Variants in PEX26 observed in about 807,000 individuals in gnomAD.
PEX26 encodes the protein peroxisome assembly protein 26.
A neutral mutation model predicts 31.4 loss-of-function variants in PEX26; 18 were observed. The observed-to-expected ratio is 0.57, with a 90% CI of 0.40 to 0.85. The LOEUF is 0.85. Among genes scored for constraint, PEX26 ranks in the 40% least tolerant of loss-of-function variants. The pLI is 0.00. For missense variants in PEX26, 377 were observed against 383.9 expected (o/e 0.98, Z 0.15); for synonymous variants, 176 against 166.9 (o/e 1.05, Z -0.42).
chr22:18,085,393 C>T, intron 4 of PEX26, 135 bp downstream of exon 4: 3 of 939,942 alleles, frequency 3.2e-6, no homozygotes, highest in Non-Finnish European at 5.0e-6. Context: ...GAGTCTGTTC[C>T]ACAAGGAGGA....
intron 2 of PEX26, among the ~76,000 whole-genome samples, chr22:18,082,425 G>A (rs1926653322): frequency 6.6e-6 from 1 of 152,138 alleles, no homozygotes; most frequent in Non-Finnish European, 1.5e-5. Flanking sequence ...CCTGCATATG[G>A]ATATCCGATT....
At position 18,089,605 on chromosome 22, in the gene PEX26, C is replaced by CTTGG. The variant is rs361782; in HGVS notation, c.*1532_*1535dup. Reference sequence around the variant, plus strand: ...CAAGCAGGCTGCCCTGCACTGTGTCCTTGGTGTTGATGCCCAAAATAGAGA... The same window carrying CTTGG: ...CAAGCAGGCTGCCCTGCACTGTGTCCTTGGTTGGTGTTGATGCCCAAAATAGAGA... On this transcript the variant is annotated 3_prime_UTR_variant, in exon 5 of 5. Coordinates refer to ENST00000399744, the MANE Select transcript of PEX26 (RefSeq NM_001127649.3). 134,789 of 152,236 alleles carry CTTGG rather than the reference C, an allele frequency of 0.89. 59,847 individuals are homozygous for CTTGG. The highest frequency in any genetic ancestry group is 0.93 in the East Asian group (4,842 of 5,188). The allele number at this position is 152,236 out of a possible 1,614,324, so 9.4% of individuals were successfully genotyped here. A position where few individuals can be genotyped will look rare whatever the true frequency, so the allele number is the denominator to read the frequency against.
rs1284632799 is a variant in PEX26 at position 18,098,953 on chromosome 22, C to T, written c.*10878C>T. The T allele has an allele frequency of 1.3e-5, 2 of 152,168 alleles. No homozygotes were observed. Among genetic ancestry groups the T allele is most frequent in the Non-Finnish European group, 2.9e-5 (2 of 68,050 alleles). 9.4% of individuals were successfully genotyped at this position (152,168 alleles called of 1,614,324 possible). A position where few individuals can be genotyped will look rare whatever the true frequency, so the allele number is the denominator to read the frequency against. On this transcript the variant is annotated 3_prime_UTR_variant, in exon 5 of 5. Coordinates refer to ENST00000399744, the MANE Select transcript of PEX26 (RefSeq NM_001127649.3). ...ATGGTCCAATAGAGAACTGTGCATACAATTACATAGGCAACCACAAATCAA... is the reference window on the plus strand; with the variant it reads ...ATGGTCCAATAGAGAACTGTGCATATAATTACATAGGCAACCACAAATCAA...
In PEX26 at chr22:18,089,204, C is replaced by G. The variant is rs1926976057; in HGVS notation, c.*1129C>G. ...TGGTACACACCATTTCAGGTTCTTCCCTTTCTGTGTCCCATTGTCCTAGTT... is the reference window on the plus strand; with the variant it reads ...TGGTACACACCATTTCAGGTTCTTCGCTTTCTGTGTCCCATTGTCCTAGTT... On this transcript the variant is annotated 3_prime_UTR_variant, in exon 5 of 5. Transcript: ENST00000399744. 6.5e-6 allele frequency: 1 copy of G among 152,766 alleles called. No homozygotes were observed. The highest frequency in any genetic ancestry group is 2.4e-5 in the African/African-American group (1 of 41,446). The allele number at this position is 152,766 out of a possible 1,614,324, so 9.5% of individuals were successfully genotyped here.
chr22:18,078,401 G>C lies in PEX26; in HGVS notation c.25G>C (p.Ala9Pro), dbSNP rs1443774420. Reference sequence around the variant, plus strand: ...TATGAAGAGCGATTCTTCGACCTCTGCAGCCCCCCTCAGGGGGCTCGGGGG... The same window carrying C: ...TATGAAGAGCGATTCTTCGACCTCTCCAGCCCCCCTCAGGGGGCTCGGGGG... MKSDSSTS[A>P]APLRGLGGPL... is the part of the protein sequence containing the mutation. Residue 9 changes from alanine (A) to proline (P), a missense_variant, in exon 1 of 5, where the codon GCA becomes CCA. Coordinates refer to ENST00000399744, the MANE Select transcript of PEX26 (RefSeq NM_001127649.3). 1 of 1,598,314 alleles carries C rather than the reference G, an allele frequency of 6.3e-7. No homozygotes were observed. Among genetic ancestry groups the C allele is most frequent in the Non-Finnish European group, 8.5e-7 (1 of 1,174,344 alleles).
intron 2 of PEX26, among the ~76,000 whole-genome samples, 196 bp from the exon 3 acceptor site, chr22:18,083,241 G>C (rs1279177409): frequency 6.6e-6 from 1 of 152,160 alleles, no homozygotes; most frequent in Non-Finnish European, 1.5e-5. Context: ...AAGGCTTTCA[G>C]CTTTTCCCAT....
At chr22:18,083,877 T>C in intron 3 of PEX26, 145 bp downstream of exon 3, 1 of 785,500 alleles carries the variant, frequency 1.3e-6, no homozygotes, top group East Asian at 2.7e-5. Flanking sequence ...GGCCTGTTGA[T>C]TTGCTTCACA....
rs762891761 is a variant in PEX26, at chr22:18,078,265, A to G, written c.-112A>G. On this transcript the variant is annotated 5_prime_UTR_variant, in exon 1 of 5. Coordinates refer to ENST00000399744, the MANE Select transcript of PEX26 (RefSeq NM_001127649.3). ...ATCGACCTCGGGAAGGGGTGTGGGC[A>G]AAGAGATGAGGACTCTCCCTCTTCG... The G allele has an allele frequency of 1.0e-5, 8 of 802,708 alleles. No homozygotes were observed. Among genetic ancestry groups the G allele is most frequent in the South Asian group, 8.7e-5 (6 of 68,882 alleles). 49.7% of individuals were successfully genotyped at this position (802,708 alleles called of 1,614,324 possible).
intron 1 of PEX26, chr22:18,078,835 G>C: frequency 1.4e-6 from 1 of 696,104 alleles, no homozygotes; most frequent in South Asian, 1.5e-5. Flanking sequence ...TTTGCTCCTT[G>C]TTCCAAGGTA....
At chr22:18,080,074 C>T in intron 2 of PEX26, 60 bp downstream of exon 2, 9 of 1,545,516 alleles carry the variant, frequency 5.8e-6, no homozygotes, top group East Asian at 4.5e-5. Context: ...TTCATCTCCT[C>T]TCCTAAATAC....
Position 18,081,249 on chromosome 22 carries a change from C to T in PEX26, c.371+1235C>T, listed in dbSNP as rs561541250. Among the ~76,000 whole-genome samples the T allele has an allele frequency of 9.4e-3, 1,230 of 131,484 alleles. 21 individuals are homozygous for T. The highest frequency in any genetic ancestry group is 0.036 in the African/African-American group (1,161 of 32,510). The allele number at this position is 131,484 out of a possible 152,430, so 86.3% of individuals were successfully genotyped here. On this transcript the variant is annotated intron_variant, in intron 2 of 4. Transcript: ENST00000399744. ...ATATACATATATGTACACATATACACACACACACACACACACACACACACA... is the reference window on the plus strand; with the variant it reads ...ATATACATATATGTACACATATACATACACACACACACACACACACACACA...
rs1462949238 is a variant in PEX26, at chr22:18,103,861, A to G, written c.*15786A>G. On this transcript the variant is annotated 3_prime_UTR_variant, in exon 5 of 5. Transcript: ENST00000399744. ...AGATTGCATATGAAAGTGCTGTGAA[A>G]TCACCAAGGGCTGAGTAGAACAGTT... 6.6e-6 allele frequency: 1 copy of G among 152,170 alleles called. No homozygotes were observed. The highest frequency in any genetic ancestry group is 1.5e-5 in the Non-Finnish European group (1 of 68,038). The allele number at this position is 152,170 out of a possible 1,614,324, so 9.4% of individuals were successfully genotyped here.
Position 18,102,682 on chromosome 22 carries a change from C to T in PEX26, c.*14607C>T, listed in dbSNP as rs1043049540. The T allele has an allele frequency of 1.3e-5, 2 of 152,236 alleles. No individual in the cohort carries two copies. Among genetic ancestry groups the T allele is most frequent in the African/African-American group, 4.8e-5 (2 of 41,402 alleles). 9.4% of individuals were successfully genotyped at this position (152,236 alleles called of 1,614,324 possible). On this transcript the variant is annotated 3_prime_UTR_variant, in exon 5 of 5. Transcript: ENST00000399744. ...TTCTGTCTGATGAAGGGCACCAGCC[C>T]CTTCATCTTTATCATGCCTAATATT...
Position 18,089,624 on chromosome 22 carries a change from A to G in PEX26, c.*1549A>G. The G allele has an allele frequency of 6.6e-6, 1 of 152,422 alleles. No homozygotes were observed. Among genetic ancestry groups the G allele is most frequent in the Non-Finnish European group, 1.5e-5 (1 of 68,302 alleles). The allele number at this position is 152,422 out of a possible 1,614,324, so 9.4% of individuals were successfully genotyped here. A position where few individuals can be genotyped will look rare whatever the true frequency, so the allele number is the denominator to read the frequency against. On this transcript the variant is annotated 3_prime_UTR_variant, in exon 5 of 5. Coordinates refer to ENST00000399744, the MANE Select transcript of PEX26 (RefSeq NM_001127649.3). ...TGTGTCCTTGGTGTTGATGCCCAAA[A>G]TAGAGAAGGTGCTTGCTAGCTTTTC...
chr22:18,090,240 T>C lies in PEX26; in HGVS notation c.*2165T>C, dbSNP rs2123666144. The C allele has an allele frequency of 6.6e-6, 1 of 152,320 alleles. No individual in the cohort carries two copies. The highest frequency in any genetic ancestry group is 2.1e-4 in the South Asian group (1 of 4,830). The allele number at this position is 152,320 out of a possible 1,614,324, so 9.4% of individuals were successfully genotyped here. On this transcript the variant is annotated 3_prime_UTR_variant, in exon 5 of 5. Coordinates refer to ENST00000399744, the MANE Select transcript of PEX26 (RefSeq NM_001127649.3). ...ACTTAACTACCCTAGATAAAACGCT[T>C]CAATGGCTTCCCATGGCTCACTGGA...
intron 1 of PEX26, chr22:18,079,101 G>T (rs756806252): frequency 2.0e-6 from 1 of 490,272 alleles, no homozygotes; most frequent in Non-Finnish European, 2.7e-6. Flanking sequence ...TTGGGAGGCC[G>T]AGGCAGGAGG....
At position 18,101,732 on chromosome 22, in the gene PEX26, C is replaced by T. The variant is rs571147774; in HGVS notation, c.*13657C>T. On this transcript the variant is annotated 3_prime_UTR_variant, in exon 5 of 5. Coordinates refer to ENST00000399744, the MANE Select transcript of PEX26 (RefSeq NM_001127649.3). ...CCCTCTCCTTTAAGACCTGGCATTACAATGGCCTCATCCTGCATGTGGGCA... is the reference window on the plus strand; with the variant it reads ...CCCTCTCCTTTAAGACCTGGCATTATAATGGCCTCATCCTGCATGTGGGCA... 3.5e-5 allele frequency: 9 copies of T among 257,952 alleles called. No homozygotes were observed. In the South Asian group the frequency reaches 4.0e-4, roughly 12 times the overall value. The allele number at this position is 257,952 out of a possible 1,614,324, so 16.0% of individuals were successfully genotyped here.
In PEX26 at chr22:18,078,008, G is replaced by A. The variant is rs1926356796; in HGVS notation, c.-369G>A. ...GGACGCCGCGCGGCTGCGGGGCTGG[G>A]CGAGCGCAAAGATGTCCGCGCCCGC... On this transcript the variant is annotated 5_prime_UTR_variant, in exon 1 of 5. Coordinates refer to ENST00000399744, the MANE Select transcript of PEX26 (RefSeq NM_001127649.3). 2.2e-6 allele frequency: 1 copy of A among 456,710 alleles called. No homozygotes were observed. The highest frequency in any genetic ancestry group is 1.6e-5 in the South Asian group (1 of 62,334). The allele number at this position is 456,710 out of a possible 1,614,324, so 28.3% of individuals were successfully genotyped here.
intron 4 of PEX26, among the ~76,000 whole-genome samples, chr22:18,087,617 G>A (rs1489367508): frequency 6.6e-6 from 1 of 152,218 alleles, no homozygotes; most frequent in Non-Finnish European, 1.5e-5. Flanking sequence ...GTCTCCTAGT[G>A]GGGATGGCAT....
Sources: gnomAD v4.1 joint callset for allele counts (sites outside exome capture counted in the v4.1 genomes callset) on GRCh38, gnomAD v4.1.1 for gene constraint, MANE v1.5 for transcripts, NCBI Gene and HGNC (gene_info 2026-07-23, HGNC 2026-07-21) for gene names.